CACNA1H: variants seen among roughly 807,000 people sequenced by gnomAD.
The protein encoded by CACNA1H is calcium voltage-gated channel subunit alpha1 H, also known as voltage-dependent T-type calcium channel subunit alpha-1H.
In CACNA1H, 149 loss-of-function variants were observed where a neutral mutation model predicts 192.5. The observed-to-expected ratio is 0.77, with a 90% CI of 0.68 to 0.89. The LOEUF is 0.89. CACNA1H is among the 40% of genes least tolerant of loss of function. The probability of loss-of-function intolerance (pLI) is 0.00; values close to 1 mark genes in which losing one functional copy is unlikely to be tolerated. For missense variants in CACNA1H, 4,257 were observed against 3,423.5 expected (o/e 1.24, Z -6.08); for synonymous variants, 2,202 against 1,475.2 (o/e 1.49, Z -11.29).
chr16:1,217,873 A>G, intron 31 of CACNA1H, 46 bp from the exon 32 acceptor site: 2 of 1,550,036 alleles, frequency 1.3e-6, no homozygotes, highest in Non-Finnish European at 1.7e-6. Context: ...TCCCGCCTCC[A>G]CCCGGAGCGG....
intron 2 of CACNA1H, among the ~76,000 whole-genome samples, chr16:1,176,779 G>A (rs528669224): frequency 5.0e-4 from 76 of 152,280 alleles, no homozygotes; most frequent in African/African-American, 1.8e-3. Flanking sequence ...GGAGGGGAGC[G>A]GGGCCGCCCC....
intron 27 of CACNA1H, 95 bp from the exon 28 acceptor site, chr16:1,214,877 C>T (rs1364492769): frequency 8.8e-6 from 8 of 913,248 alleles, no homozygotes; most frequent in South Asian, 2.9e-5. Flanking sequence ...CCTCCAGGGC[C>T]GGCCAGCGGG....
chr16:1,187,660 C>T (rs1246517823), intron 2 of CACNA1H, among the ~76,000 whole-genome samples: 1 of 152,186 alleles, frequency 6.6e-6, no homozygotes, highest in Admixed American at 6.5e-5. Flanking sequence ...AGCAGGGAGC[C>T]CTGCTGGGAT....
At chr16:1,190,838 C>T (rs1192994490) in intron 2 of CACNA1H, among the ~76,000 whole-genome samples, 2 of 151,462 alleles carry the variant, frequency 1.3e-5, no homozygotes, top group African/African-American at 4.9e-5. Flanking sequence ...ACCCGTCAGG[C>T]TGGCCTGGCT....
intron 2 of CACNA1H, among the ~76,000 whole-genome samples, chr16:1,157,496 G>A (rs1470239042): frequency 6.6e-6 from 1 of 152,170 alleles, no homozygotes; most frequent in Non-Finnish European, 1.5e-5. Flanking sequence ...ACTCGGCGCT[G>A]GGGCTGTCAC....
intron 2 of CACNA1H, among the ~76,000 whole-genome samples, chr16:1,169,406 C>T (rs1567447862): frequency 6.6e-6 from 1 of 152,204 alleles, no homozygotes; most frequent in African/African-American, 2.4e-5. Flanking sequence ...GTGGGTTGGG[C>T]CCCGAGAGGG....
rs1968705667 is a variant in CACNA1H, at chr16:1,206,346, G to A, written c.2789+57G>A. On this transcript the variant is annotated intron_variant, in intron 12 of 34. Coordinates refer to ENST00000348261, the MANE Select transcript of CACNA1H (RefSeq NM_021098.3). Reference sequence around the variant, plus strand: ...TGTCTCACCCCAGGGCAGCTGGGAGGCAAAGGCCCAGGGCACCCCCCGAAG... The same window carrying A: ...TGTCTCACCCCAGGGCAGCTGGGAGACAAAGGCCCAGGGCACCCCCCGAAG... The A allele has an allele frequency of 2.0e-6, 3 of 1,506,272 alleles. No homozygotes were observed. In the South Asian group the frequency reaches 3.7e-5, roughly 18 times the overall value. The allele number at this position is 1,506,272 out of a possible 1,614,324, so 93.3% of individuals were successfully genotyped here.
Position 1,153,837 on chromosome 16 carries a change from G to A in CACNA1H, c.100G>A (p.Gly34Arg). 1 of 1,310,440 alleles carries A rather than the reference G, an allele frequency of 7.6e-7. No homozygotes were observed. Among genetic ancestry groups the A allele is most frequent in the Admixed American group, 4.0e-5 (1 of 25,076 alleles). The allele number at this position is 1,310,440 out of a possible 1,614,324, so 81.2% of individuals were successfully genotyped here. The change falls in exon 2 of 35, where the codon GGG (glycine) becomes AGG (arginine). Residue 34 changes from glycine to arginine, a missense_variant. Transcript: ENST00000348261. ...GGTGGGGGCGTCCCCGGAGAGCCCC[G>A]GGGCGCCGGGACGCGAGGCGGAGCG... ...ALVGASPESPGAPGREAERGS... is the reference protein window; with the variant it reads ...ALVGASPESPRAPGREAERGS...
chr16:1,203,971 A>G (rs1283546881), intron 9 of CACNA1H, 39 bp from the exon 10 acceptor site: 5 of 1,453,746 alleles, frequency 3.4e-6, no homozygotes, highest in East Asian at 2.5e-5. Flanking sequence ...TGGCAGCACC[A>G]CTGAGTGGGC....
rs1970242871 is a variant in CACNA1H at position 1,218,791 on chromosome 16, G to T, written c.5887+140G>T. On this transcript the variant is annotated intron_variant, in intron 33 of 34. Coordinates refer to ENST00000348261, the MANE Select transcript of CACNA1H (RefSeq NM_021098.3). ...GCGGGAAGGAGGATGGGGGCAGGCA[G>T]GAGGGAGGATGGAGGCCAGATTGAG... 3.0e-5 allele frequency: 35 copies of T among 1,147,672 alleles called. No individual in the cohort carries two copies. In the South Asian group the frequency reaches 5.3e-4, roughly 17 times the overall value. The allele number at this position is 1,147,672 out of a possible 1,614,324, so 71.1% of individuals were successfully genotyped here. A position where few individuals can be genotyped will look rare whatever the true frequency, so the allele number is the denominator to read the frequency against.
intron 2 of CACNA1H, among the ~76,000 whole-genome samples, chr16:1,165,352 CT>C (rs1963651189): frequency 6.6e-6 from 1 of 152,202 alleles, no homozygotes; most frequent in South Asian, 2.1e-4. Context: ...GCTGAGCCTG[CT>C]GGTCCTCCCG....
At position 1,220,144 on chromosome 16, in the gene CACNA1H, A is replaced by G; in HGVS notation, c.6212A>G (p.Lys2071Arg). 2 of 1,508,888 alleles carry G rather than the reference A, an allele frequency of 1.3e-6. No individual in the cohort carries two copies. The highest frequency in any genetic ancestry group is 2.7e-5 in the South Asian group (2 of 74,204). The allele number at this position is 1,508,888 out of a possible 1,614,324, so 93.5% of individuals were successfully genotyped here. A position where few individuals can be genotyped will look rare whatever the true frequency, so the allele number is the denominator to read the frequency against. ...CGGCCCGCCAGCGTCCGCACTCGTA[A>G]GCATACCTTCGGACAGCGCTGCGTC... ...SPRPASVRTR[K>R]HTFGQRCVSS... The change falls in exon 35 of 35, where the codon AAG becomes AGG. Residue 2071 changes from lysine to arginine, a missense_variant. By Grantham distance (26) the Lys-to-Arg change is conservative. Coordinates refer to ENST00000348261, the MANE Select transcript of CACNA1H (RefSeq NM_021098.3).
At position 1,181,974 on chromosome 16, in the gene CACNA1H, A is replaced by C. The variant is rs139230583; in HGVS notation, c.300-12998A>C. On this transcript the variant is annotated intron_variant, in intron 2 of 34. Coordinates refer to ENST00000348261, the MANE Select transcript of CACNA1H (RefSeq NM_021098.3). ...CTCGCACACGCATGCCCCCTCGCAC[A>C]CGCATGCACACAGGCTCACTCTGCT... Among the ~76,000 whole-genome samples the C allele has an allele frequency of 3.2e-3, 494 of 152,106 alleles. 5 individuals are homozygous for C. The highest frequency in any genetic ancestry group is 0.022 in the South Asian group (108 of 4,810).
At chr16:1,199,658 C>T (rs1325028975) in intron 6 of CACNA1H, among the ~76,000 whole-genome samples, 1 of 148,374 alleles carries the variant, frequency 6.7e-6, no homozygotes, top group African/African-American at 2.5e-5. Flanking sequence ...ACCCCGGGGT[C>T]CCCTCAACCC....
chr16:1,189,123 C>T (rs1454642676), intron 2 of CACNA1H, among the ~76,000 whole-genome samples: 3 of 148,728 alleles, frequency 2.0e-5, no homozygotes, highest in Admixed American at 1.3e-4. Flanking sequence ...TCCAGGGTCC[C>T]GAGGGAAGTG....
rs1970181915 is a variant in CACNA1H at position 1,218,089 on chromosome 16, T to A, written c.5445+49T>A. 5.1e-6 allele frequency: 8 copies of A among 1,574,356 alleles called. No individual in the cohort carries two copies. The African/African-American group carries it at 5.4e-5, about 11-fold the overall frequency. On this transcript the variant is annotated intron_variant, in intron 32 of 34. Coordinates refer to ENST00000348261, the MANE Select transcript of CACNA1H (RefSeq NM_021098.3). Reference sequence around the variant, plus strand: ...GGCACCTGGCAGCCCCAGCGGTTTTTCAGGCTCTCCCAGGAACGGGTCGGA... The same window carrying A: ...GGCACCTGGCAGCCCCAGCGGTTTTACAGGCTCTCCCAGGAACGGGTCGGA...
intron 2 of CACNA1H, among the ~76,000 whole-genome samples, chr16:1,170,311 G>A (rs1013441629): frequency 3.3e-5 from 5 of 152,244 alleles, no homozygotes; most frequent in Non-Finnish European, 7.3e-5. Context: ...TTGGGGAGCT[G>A]AGGTCGCACC....
intron 2 of CACNA1H, among the ~76,000 whole-genome samples, chr16:1,185,507 C>G (rs925603631): frequency 3.6e-5 from 5 of 138,870 alleles, no homozygotes; most frequent in Non-Finnish European, 7.6e-5. Context: ...AGAGTCCCCC[C>G]CCCCGCCGAG....
Position 1,215,605 on chromosome 16 carries a change from C to T in CACNA1H, c.5244+12C>T. ...AAGCTCTCCCCCAGGTAGGTGGAGC[C>T]CGCGCCATCCTCAGCGCAGGCCCCC... On this transcript the variant is annotated intron_variant, in intron 30 of 34. Coordinates refer to ENST00000348261, the MANE Select transcript of CACNA1H (RefSeq NM_021098.3). 4 of 1,606,590 alleles carry T rather than the reference C, an allele frequency of 2.5e-6. No individual in the cohort carries two copies. The highest frequency in any genetic ancestry group is 3.4e-6 in the Non-Finnish European group (4 of 1,177,130).
Sources: allele counts gnomAD v4.1 joint callset (sites outside exome capture counted in the v4.1 genomes callset), GRCh38; gene constraint gnomAD v4.1.1; transcripts MANE v1.5; gene names NCBI Gene and HGNC (gene_info 2026-07-23, HGNC 2026-07-21).